RBFOX1: variants seen among roughly 807,000 people sequenced by gnomAD.
RBFOX1 encodes the protein RNA binding fox-1 homolog 1, also known as RNA binding protein fox-1 homolog 1.
A neutral mutation model predicts 57.7 loss-of-function variants in RBFOX1; 8 were observed. The ratio of observed to expected loss-of-function variants is 0.14; its 90% CI spans 0.08 to 0.25. The LOEUF (loss-of-function observed/expected upper bound fraction) is 0.25. Among genes scored for constraint, RBFOX1 ranks in the 10% least tolerant of loss-of-function variants. The pLI is 1.00. For missense variants in RBFOX1, 611 were observed against 548.5 expected, an observed-to-expected ratio of 1.11 and a Z score of -1.14; for synonymous variants, 326 against 222.4, an observed-to-expected ratio of 1.47 and a Z score of -4.15.
chr16:6,643,059 C>G (rs1602460210), intron 2 of RBFOX1, among the ~76,000 whole-genome samples: 1 of 152,138 alleles, frequency 6.6e-6, no homozygotes, highest in African/African-American at 2.4e-5. Context: ...CCACGCTGAA[C>G]CTTCTTAAAC....
In RBFOX1 at chr16:5,697,532, A is replaced by ATTTTTTTTT. The variant is rs374138178; in HGVS notation, c.318+98573_318+98574insTTTTTTTTT. Among the ~76,000 whole-genome samples, 6 of 133,966 alleles carry ATTTTTTTTT rather than the reference A, an allele frequency of 4.5e-5. 1 individual carries two copies. The highest frequency in any genetic ancestry group is 2.4e-4 in the South Asian group (1 of 4,092). 87.9% of individuals were successfully genotyped at this position (133,966 alleles called of 152,430 possible). On this transcript the variant is annotated intron_variant, in intron 3 of 19. Transcript: ENST00000641259. ...GTTGTGGGCTTTTCTTTTCTTTTCT[A>ATTTTTTTTT]TTCTTTTTTTTTTTTTTTTGAGATA...
chr16:6,972,141 A>AATAT (rs2085703670), intron 3 of RBFOX1, among the ~76,000 whole-genome samples: 1 of 152,184 alleles, frequency 6.6e-6, no homozygotes, highest in African/African-American at 2.4e-5. Context: ...CATTTGTAAG[A>AATAT]ATATAGTTCA....
At chr16:6,767,817 G>C (rs747124909) in intron 3 of RBFOX1, among the ~76,000 whole-genome samples, 12 of 151,754 alleles carry the variant, frequency 7.9e-5, no homozygotes, top group Non-Finnish European at 1.2e-4. Context: ...AGGAGGCTCA[G>C]GCAGGAGAAT....
intron 3 of RBFOX1, among the ~76,000 whole-genome samples, chr16:5,627,203 T>A (rs1484793065): frequency 6.6e-6 from 1 of 152,194 alleles, no homozygotes; most frequent in African/African-American, 2.4e-5. Flanking sequence ...TTTTAAATAA[T>A]TTGAGCTGAA....
intron 2 of RBFOX1, among the ~76,000 whole-genome samples, chr16:6,618,275 C>G (rs2098172701): frequency 6.6e-6 from 1 of 152,094 alleles, no homozygotes; most frequent in African/African-American, 2.4e-5. Flanking sequence ...GAAAAATAAG[C>G]AACAAAACCG....
At chr16:5,620,843 T>G (rs2048180178) in intron 3 of RBFOX1, among the ~76,000 whole-genome samples, 1 of 151,888 alleles carries the variant, frequency 6.6e-6, no homozygotes, top group Non-Finnish European at 1.5e-5. Flanking sequence ...TACACTCAAT[T>G]TTTATTTGTA....
intron 11 of RBFOX1, among the ~76,000 whole-genome samples, chr16:7,649,643 C>G (rs1167537009): frequency 6.6e-6 from 1 of 152,124 alleles, no homozygotes; most frequent in Non-Finnish European, 1.5e-5. Context: ...GGTGGCTGTA[C>G]TCTCCCAGAA....
chr16:5,750,399 G>C (rs1032315450), intron 3 of RBFOX1, among the ~76,000 whole-genome samples: 1 of 152,204 alleles, frequency 6.6e-6, no homozygotes, highest in African/African-American at 2.4e-5. Context: ...AAAGCTGTCA[G>C]ACAGGGACAT....
chr16:6,393,184 C>G (rs541998071), intron 2 of RBFOX1, among the ~76,000 whole-genome samples: 1 of 152,302 alleles, frequency 6.6e-6, no homozygotes, highest in East Asian at 1.9e-4. Flanking sequence ...TTTTACCCCT[C>G]CATCTGTAGA....
intron 1 of RBFOX1, among the ~76,000 whole-genome samples, chr16:5,279,345 G>A (rs561959797): frequency 5.3e-5 from 8 of 151,390 alleles, no homozygotes; most frequent in African/African-American, 1.9e-4. Context: ...TTATTCCTAG[G>A]TATTTTATTT....
chr16:7,187,929 G>A (rs778085154), intron 4 of RBFOX1, among the ~76,000 whole-genome samples: 16 of 152,214 alleles, frequency 1.1e-4, no homozygotes, highest in Non-Finnish European at 2.1e-4. Flanking sequence ...TGACCGCATG[G>A]GTCAAATCAC....
intron 3 of RBFOX1, among the ~76,000 whole-genome samples, chr16:5,679,237 A>G (rs17138334): frequency 0.23 from 35,528 of 152,056 alleles, 4,675 homozygotes; most frequent in East Asian, 0.57. Context: ...TTTTCTGTTC[A>G]TCTGAACCTC....
chr16:7,410,000 G>C (rs185161038), intron 4 of RBFOX1, among the ~76,000 whole-genome samples: 3 of 152,172 alleles, frequency 2.0e-5, no homozygotes, highest in Non-Finnish European at 4.4e-5. Context: ...GGACACAGCT[G>C]GATGGCTGCA....
At chr16:7,618,902 G>T (rs2058877677) in intron 10 of RBFOX1, among the ~76,000 whole-genome samples, 1 of 152,144 alleles carries the variant, frequency 6.6e-6, no homozygotes, top group Admixed American at 6.5e-5. Flanking sequence ...ATTGGTTTAT[G>T]AAAAATTAAT....
intron 4 of RBFOX1, among the ~76,000 whole-genome samples, chr16:7,372,436 T>A (rs945933081): frequency 1.3e-5 from 2 of 152,164 alleles, no homozygotes; most frequent in Non-Finnish European, 2.9e-5. Context: ...TTTATTTCTT[T>A]TATTTATTTG....
chr16:6,505,885 G>A (rs2096075019), intron 2 of RBFOX1, among the ~76,000 whole-genome samples: 2 of 152,142 alleles, frequency 1.3e-5, no homozygotes, highest in South Asian at 2.1e-4. Flanking sequence ...TAAACAATGG[G>A]CGAAAGTGAC....
chr16:6,186,881 C>T (rs1470237258), intron 1 of RBFOX1, among the ~76,000 whole-genome samples: 2 of 152,114 alleles, frequency 1.3e-5, no homozygotes, highest in Admixed American at 6.5e-5. Flanking sequence ...TGAACAAAGG[C>T]CCCCGAGTTG....
At chr16:6,996,487 A>G (rs773442148) in intron 3 of RBFOX1, among the ~76,000 whole-genome samples, 1 of 152,182 alleles carries the variant, frequency 6.6e-6, no homozygotes, top group Non-Finnish European at 1.5e-5. Flanking sequence ...TCCTATCTGG[A>G]CACGCATATT....
chr16:5,381,772 C>T (rs972758563), intron 1 of RBFOX1, among the ~76,000 whole-genome samples: 2 of 152,194 alleles, frequency 1.3e-5, no homozygotes, highest in African/African-American at 2.4e-5. Context: ...GAAGTTAGGT[C>T]CTGGGATGCC....
Sources: gnomAD v4.1 joint callset for allele counts (sites outside exome capture counted in the v4.1 genomes callset) on GRCh38, gnomAD v4.1.1 for gene constraint, MANE v1.5 for transcripts, NCBI Gene and HGNC (gene_info 2026-07-23, HGNC 2026-07-21) for gene names.